PIEZO2: variants seen among roughly 807,000 people sequenced by gnomAD.
The protein encoded by PIEZO2 is piezo type mechanosensitive ion channel component 2.
A neutral mutation model predicts 337.3 loss-of-function variants in PIEZO2; 172 were observed. That is an observed-to-expected ratio of 0.51 (90% CI 0.45 to 0.58). PIEZO2 has a LOEUF of 0.58. Among genes scored for constraint, PIEZO2 ranks in the 20% least tolerant of loss-of-function variants. The pLI is 0.00. For missense variants in PIEZO2, 3,028 were observed against 3,391.3 expected, an observed-to-expected ratio of 0.89 and a Z score of 2.66; for synonymous variants, 1,251 against 1,228.5, an observed-to-expected ratio of 1.02 and a Z score of -0.38.
chr18:11,019,111 T>C (rs1399329002), intron 2 of PIEZO2, among the ~76,000 whole-genome samples: 1 of 152,148 alleles, frequency 6.6e-6, no homozygotes, highest in African/African-American at 2.4e-5. Flanking sequence ...TTCTCCACTT[T>C]CCACTGATGT....
intron 39 of PIEZO2, among the ~76,000 whole-genome samples, chr18:10,709,856 C>T (rs995575444): frequency 2.0e-5 from 3 of 152,246 alleles, no homozygotes; most frequent in African/African-American, 7.2e-5. Context: ...CTAATAAGGA[C>T]ATTGAGGCTG....
Position 10,813,111 on chromosome 18 carries a change from C to A in PIEZO2, c.918-5837G>T, listed in dbSNP as rs567669445. Among the ~76,000 whole-genome samples, 7 of 151,900 alleles carry A rather than the reference C, an allele frequency of 4.6e-5. No individual in the cohort carries two copies. The highest frequency in any genetic ancestry group is 1.3e-4 in the Admixed American group (2 of 15,246). ...TCTCCTGCCTCAGCCTCCGGAGTATCTAGGATTACAGGCACGCGCCACCAC... is the reference window on the plus strand; with the variant it reads ...TCTCCTGCCTCAGCCTCCGGAGTATATAGGATTACAGGCACGCGCCACCAC... On this transcript the variant is annotated intron_variant, in intron 7 of 55. Coordinates refer to ENST00000674853, the MANE Select transcript of PIEZO2 (RefSeq NM_001378183.1). This position sits in a 1 kb window ranked among gnomAD's most constrained non-coding sequence, Gnocchi z 4.2.
Position 10,855,429 on chromosome 18 carries a change from C to T in PIEZO2, c.841G>A (p.Gly281Arg). ...TATAAATAAAGTCCAATCAAATGTC[C>T]AGCAGTGAAAATAGCCAGCAGAACA... ...LCVLLAIFTA[G>R]HLIGLYLYQF... The change falls in exon 7 of 56, where the codon GGA becomes AGA. Residue 281 changes from glycine to arginine, a missense_variant. By Grantham distance (125) the Gly-to-Arg change is moderately radical. Coordinates refer to ENST00000674853, the MANE Select transcript of PIEZO2 (RefSeq NM_001378183.1). This position sits in a 1 kb window ranked among gnomAD's most constrained non-coding sequence, Gnocchi z 4.9. 6.5e-7 allele frequency: 1 copy of T among 1,537,158 alleles called. No individual in the cohort carries two copies. The highest frequency in any genetic ancestry group is 8.7e-7 in the Non-Finnish European group (1 of 1,146,878).
rs770137155 is a variant in PIEZO2, at chr18:11,131,106, G to A, written c.64+17419C>T. 2.0e-4 allele frequency among the ~76,000 whole-genome samples: 31 copies of A among 152,214 alleles called. No homozygotes were observed. Among genetic ancestry groups the A allele is most frequent in the Non-Finnish European group, 4.1e-4 (28 of 68,034 alleles). On this transcript the variant is annotated intron_variant, in intron 1 of 55. Coordinates refer to ENST00000674853, the MANE Select transcript of PIEZO2 (RefSeq NM_001378183.1). This position sits in a 1 kb window ranked among gnomAD's most constrained non-coding sequence, Gnocchi z 5.3. The stretch of plus-strand genomic sequence containing the variant: ...GCAGATAACTACTCTCCTTTTGAGA[G>A]ACAGCTCTTGGCTGACACTGGACTT...
Position 10,699,207 on chromosome 18 carries a change from G to A in PIEZO2, c.6442-30C>T, listed in dbSNP as rs1019730146. On this transcript the variant is annotated intron_variant, in intron 43 of 55. Transcript: ENST00000674853. ...GAAAGCAGGGACAGGGACAAATGAG[G>A]CTACTGTTTCAGGTGGAACCCTTGG... The A allele has an allele frequency of 1.2e-5, 18 of 1,536,524 alleles. No homozygotes were observed. The African/African-American group carries it at 1.5e-4, about 13-fold the overall frequency.
intron 42 of PIEZO2, 64 bp from the exon 43 acceptor site, chr18:10,702,235 G>A: frequency 7.1e-7 from 1 of 1,414,036 alleles, no homozygotes; most frequent in East Asian, 2.6e-5. Flanking sequence ...ACCTGTATAT[G>A]GGAAAGAGCA....
chr18:10,958,919 T>C (rs1255396845), intron 3 of PIEZO2, among the ~76,000 whole-genome samples: 1 of 152,166 alleles, frequency 6.6e-6, no homozygotes, highest in Non-Finnish European at 1.5e-5. Context: ...TATAAAAGCA[T>C]AATAAATTTA....
intron 7 of PIEZO2, among the ~76,000 whole-genome samples, chr18:10,826,779 A>G (rs914019474): frequency 6.6e-6 from 1 of 152,220 alleles, no homozygotes; most frequent in Middle Eastern, 3.2e-3. Flanking sequence ...ACGAATGTAT[A>G]GTGTTGCGTA....
chr18:10,794,780 C>T lies in PIEZO2; in HGVS notation c.1750G>A (p.Ala584Thr). 1 of 1,527,534 alleles carries T rather than the reference C, an allele frequency of 6.5e-7. No homozygotes were observed. Among genetic ancestry groups the T allele is most frequent in the South Asian group, 1.2e-5 (1 of 82,808 alleles). The allele number at this position is 1,527,534 out of a possible 1,614,324, so 94.6% of individuals were successfully genotyped here. A position where few individuals can be genotyped will look rare whatever the true frequency, so the allele number is the denominator to read the frequency against. Residue 584 changes from alanine to threonine, a missense_variant, in exon 13 of 56, where the codon GCT becomes ACT. By Grantham distance (58) the Ala-to-Thr change is moderately conservative. Coordinates refer to ENST00000674853, the MANE Select transcript of PIEZO2 (RefSeq NM_001378183.1). The surrounding 1 kb of genome is among the most constrained non-coding windows in gnomAD (Gnocchi z 6.6). ...GTATTCTATTCACTTACTTTGGAAG[C>T]AAGTTCTCCTGGCTCTTTCTTTTCT... ...FLEKKEPGEL[A>T]SKILFTITFW... is the part of the protein sequence containing the mutation.
chr18:10,701,835 T>TC (rs369825925), intron 43 of PIEZO2, 154 bp downstream of exon 43: 115 of 410,174 alleles, frequency 2.8e-4, no homozygotes, highest in Middle Eastern at 6.8e-4. Context: ...TTTCTCTCTC[T>TC]TTTTTTTTTT....
rs546222457 is a variant in PIEZO2 at position 11,003,686 on chromosome 18, A to T, written c.161-24026T>A. ...CCCATCTTGGGCACACTCACATACT[A>T]GCACACAGACTGGGACCATGTGGAC... On this transcript the variant is annotated intron_variant, in intron 2 of 55. Coordinates refer to ENST00000674853, the MANE Select transcript of PIEZO2 (RefSeq NM_001378183.1). The surrounding 1 kb of genome is among the most constrained non-coding windows in gnomAD (Gnocchi z 4.6). Among the ~76,000 whole-genome samples the T allele has an allele frequency of 6.6e-6, 1 of 152,296 alleles. No homozygotes were observed. The highest frequency in any genetic ancestry group is 6.5e-5 in the Admixed American group (1 of 15,302).
Position 10,962,442 on chromosome 18 carries a change from C to G in PIEZO2, c.286+17093G>C, listed in dbSNP as rs974075708. 1.3e-5 allele frequency among the ~76,000 whole-genome samples: 2 copies of G among 152,172 alleles called. No homozygotes were observed. The highest frequency in any genetic ancestry group is 2.9e-5 in the Non-Finnish European group (2 of 68,040). ...AGGGGACAACCCTAAAGCCTGGGAT[C>G]CCAGGAGCTGCACGCAGGGCTCGCT... On this transcript the variant is annotated intron_variant, in intron 3 of 55. Transcript: ENST00000674853. This position sits in a 1 kb window ranked among gnomAD's most constrained non-coding sequence, Gnocchi z 4.1.
At position 11,131,269 on chromosome 18, in the gene PIEZO2, T is replaced by C. The variant is rs1435812918; in HGVS notation, c.64+17256A>G. 1.3e-5 allele frequency among the ~76,000 whole-genome samples: 2 copies of C among 152,152 alleles called. No individual in the cohort carries two copies. The highest frequency in any genetic ancestry group is 1.3e-4 in the Admixed American group (2 of 15,280). The stretch of plus-strand genomic sequence containing the variant: ...GCAGCATTCCATCATCAAATGGAAG[T>C]GATATATACATGATCGGGCTCGAGC... On this transcript the variant is annotated intron_variant, in intron 1 of 55. Transcript: ENST00000674853. This position sits in a 1 kb window ranked among gnomAD's most constrained non-coding sequence, Gnocchi z 5.3.
chr18:10,706,508 G>A (rs1023615896), intron 40 of PIEZO2, among the ~76,000 whole-genome samples: 38 of 152,054 alleles, frequency 2.5e-4, no homozygotes, highest in African/African-American at 8.5e-4. Context: ...CCCAGGGTGC[G>A]CTTCTGTTCT....
rs1051034069 is a variant in PIEZO2, at chr18:10,859,357, C to T, written c.493-2146G>A. Among the ~76,000 whole-genome samples, 1 of 152,184 alleles carries T rather than the reference C, an allele frequency of 6.6e-6. No homozygotes were observed. Among genetic ancestry groups the T allele is most frequent in the Admixed American group, 6.5e-5 (1 of 15,286 alleles). On this transcript the variant is annotated intron_variant, in intron 5 of 55. Coordinates refer to ENST00000674853, the MANE Select transcript of PIEZO2 (RefSeq NM_001378183.1). This position sits in a 1 kb window ranked among gnomAD's most constrained non-coding sequence, Gnocchi z 4.9. ...AGGATGACCTTGCTTTCTACTGCTC[C>T]CAGAGAGGAGCTGCCAGCTCCAGCC...
At chr18:11,144,642 A>C (rs1208135221) in intron 1 of PIEZO2, among the ~76,000 whole-genome samples, 1 of 152,248 alleles carries the variant, frequency 6.6e-6, no homozygotes, top group African/African-American at 2.4e-5. Flanking sequence ...AACTATCCTT[A>C]AAGGGAGTTT....
intron 4 of PIEZO2, among the ~76,000 whole-genome samples, chr18:10,876,934 C>T (rs774468684): frequency 3.9e-5 from 6 of 152,204 alleles, no homozygotes; most frequent in African/African-American, 1.4e-4. Flanking sequence ...TCACATTCCA[C>T]CTCCATGCTG....
At chr18:10,829,623 A>G (rs1442671266) in intron 7 of PIEZO2, among the ~76,000 whole-genome samples, 1 of 152,188 alleles carries the variant, frequency 6.6e-6, no homozygotes, top group Non-Finnish European at 1.5e-5. Flanking sequence ...AAAAATCAAC[A>G]TACAAAAATC....
At chr18:10,881,295 T>C (rs115753003) in intron 4 of PIEZO2, among the ~76,000 whole-genome samples, 134 of 152,318 alleles carry the variant, frequency 8.8e-4, no homozygotes, top group African/African-American at 3.1e-3. Flanking sequence ...GCCACACGGA[T>C]TGAGTATTTG....
Sources: gnomAD v4.1 joint callset for allele counts (sites outside exome capture counted in the v4.1 genomes callset) on GRCh38, gnomAD v4.1.1 for gene constraint, Gnocchi (gnomAD v3.1) non-coding constraint, MANE v1.5 for transcripts, NCBI Gene and HGNC (gene_info 2026-07-23, HGNC 2026-07-21) for gene names.